TK2: variants seen among roughly 807,000 people sequenced by gnomAD.
The protein encoded by TK2 is thymidine kinase 2, mitochondrial.
TK2 carries 35 observed loss-of-function variants against 41.9 expected under a neutral mutation model. The ratio of observed to expected loss-of-function variants is 0.84; its 90% CI spans 0.64 to 1.11. TK2 has a LOEUF of 1.11. Among genes scored for constraint, TK2 ranks in the 50% least tolerant of loss-of-function variants. The pLI, the probability that TK2 is intolerant of heterozygous loss-of-function variation, is 0.00. For synonymous variants in TK2, 128 were observed against 129.1 expected (o/e 0.99, Z 0.06); for missense variants, 320 against 351.1 (o/e 0.91, Z 0.71).
At position 66,517,346 on chromosome 16, in the gene TK2, G is replaced by T; in HGVS notation, c.539-131C>A. The stretch of plus-strand genomic sequence containing the variant: ...AGCAGGGAGGGCCAGCTCTTGGCTT[G>T]ACCACTGACCCTCCGCCTCGACTTT... On this transcript the variant is annotated intron_variant, in intron 7 of 9. Coordinates refer to ENST00000544898, the MANE Select transcript of TK2 (RefSeq NM_004614.5). The surrounding 1 kb of genome is among the most constrained non-coding windows in gnomAD (Gnocchi z 4.3). 1 of 812,914 alleles carries T rather than the reference G, an allele frequency of 1.2e-6. No individual in the cohort carries two copies. The highest frequency in any genetic ancestry group is 2.4e-5 in the East Asian group (1 of 41,232). The allele number at this position is 812,914 out of a possible 1,614,324, so 50.4% of individuals were successfully genotyped here.
chr16:66,548,755 A>T lies in TK2; in HGVS notation c.156+223T>A, dbSNP rs1331825529. On this transcript the variant is annotated intron_variant, in intron 2 of 9. Coordinates refer to ENST00000544898, the MANE Select transcript of TK2 (RefSeq NM_004614.5). ...AGCCCAAATCTACCTGAAGGATACAAATACTTGTGTGCTCCTATCTGTGCA... is the reference window on the plus strand; with the variant it reads ...AGCCCAAATCTACCTGAAGGATACATATACTTGTGTGCTCCTATCTGTGCA... 7 of 557,112 alleles carry T rather than the reference A, an allele frequency of 1.3e-5. No individual in the cohort carries two copies. In the East Asian group the frequency reaches 2.1e-4, roughly 16 times the overall value. 34.5% of individuals were successfully genotyped at this position (557,112 alleles called of 1,614,324 possible).
chr16:66,541,378 C>T (rs903854643), intron 3 of TK2, among the ~76,000 whole-genome samples: 3 of 152,116 alleles, frequency 2.0e-5, no homozygotes, highest in East Asian at 1.9e-4. Flanking sequence ...GACATGATCA[C>T]ATTTGGCATA....
chr16:66,544,076 A>G (rs567612276), intron 2 of TK2, among the ~76,000 whole-genome samples: 33 of 152,268 alleles, frequency 2.2e-4, no homozygotes, highest in African/African-American at 7.7e-4. Context: ...TCATTGAAGC[A>G]TTTTAACAGG....
chr16:66,512,810 A>G (rs1964490074), intron 9 of TK2, among the ~76,000 whole-genome samples: 1 of 152,168 alleles, frequency 6.6e-6, no homozygotes, highest in African/African-American at 2.4e-5. Flanking sequence ...AAATTACTAC[A>G]GTAATATCTC....
chr16:66,529,931 G>T (rs1005779292), intron 5 of TK2, among the ~76,000 whole-genome samples: 1 of 151,726 alleles, frequency 6.6e-6, no homozygotes, highest in Non-Finnish European at 1.5e-5. Flanking sequence ...ATCTTTCCTG[G>T]TCTGTCCATC....
chr16:66,527,716 T>C (rs1964977212), intron 6 of TK2, among the ~76,000 whole-genome samples: 1 of 152,124 alleles, frequency 6.6e-6, no homozygotes. Context: ...CAAAGAAAAC[T>C]AACAGAAAGT....
At chr16:66,536,462 T>C (rs1358272205) in intron 4 of TK2, among the ~76,000 whole-genome samples, 1 of 152,058 alleles carries the variant, frequency 6.6e-6, no homozygotes, top group Non-Finnish European at 1.5e-5. Flanking sequence ...CACAGCACAC[T>C]ACAGCCCCTG....
intron 2 of TK2, chr16:66,547,946 T>C: frequency 7.8e-7 from 1 of 1,288,034 alleles, no homozygotes; most frequent in Non-Finnish European, 1.0e-6. Context: ...CAATAACTAA[T>C]AAATAGCCAG....
intron 5 of TK2, 113 bp from the exon 6 acceptor site, chr16:66,529,180 C>T: frequency 9.9e-7 from 1 of 1,012,614 alleles, no homozygotes; most frequent in Admixed American, 1.8e-5. Flanking sequence ...ATATGAGAAT[C>T]AAGGCGGCAG....
At chr16:66,537,651 C>G (rs1246786205) in intron 3 of TK2, among the ~76,000 whole-genome samples, 1 of 152,250 alleles carries the variant, frequency 6.6e-6, no homozygotes, top group East Asian at 1.9e-4. Context: ...ATTTCTAGAG[C>G]CTCCATCTGT....
chr16:66,540,211 C>T (rs1181410243), intron 3 of TK2, among the ~76,000 whole-genome samples: 4 of 136,718 alleles, frequency 2.9e-5, no homozygotes, highest in African/African-American at 1.1e-4. Context: ...CTCACTCTGT[C>T]ACCCAGGTTG....
At chr16:66,549,084 A>G in intron 1 of TK2, 75 bp from the exon 2 acceptor site, 2 of 1,603,824 alleles carry the variant, frequency 1.2e-6, no homozygotes, top group Non-Finnish European at 1.7e-6. Flanking sequence ...CTACATGACC[A>G]CAAAAACACT....
Position 66,529,081 on chromosome 16 carries a change from A to G in TK2, c.376-14T>C. 13 of 1,613,454 alleles carry G rather than the reference A, an allele frequency of 8.1e-6. No individual in the cohort carries two copies. The highest frequency in any genetic ancestry group is 1.1e-5 in the Non-Finnish European group (13 of 1,179,646). On this transcript the variant is annotated splice_polypyrimidine_tract_variant and intron_variant, in intron 5 of 9. Transcript: ENST00000544898. ...TACAGATGACACCTAAAGGAAAACAAAAAGAGAATCACTAACTCAGGGGAA... is the reference window on the plus strand; with the variant it reads ...TACAGATGACACCTAAAGGAAAACAGAAAGAGAATCACTAACTCAGGGGAA...
intron 4 of TK2, among the ~76,000 whole-genome samples, chr16:66,532,842 C>G (rs1965157939): frequency 6.6e-6 from 1 of 151,302 alleles, no homozygotes; most frequent in South Asian, 2.1e-4. Context: ...TATCAAAATA[C>G]CTATGACAGT....
Position 66,532,129 on chromosome 16 carries a change from CAAAAA to C in TK2, c.286-665_286-661del, listed in dbSNP as rs11334281. Among the ~76,000 whole-genome samples, 244 of 75,628 alleles carry C rather than the reference CAAAAA, an allele frequency of 3.2e-3. 1 individual carries two copies. Among genetic ancestry groups the C allele is most frequent in the African/African-American group, 9.0e-3 (232 of 25,670 alleles). 49.6% of individuals were successfully genotyped at this position (75,628 alleles called of 152,430 possible). ...AAAGTAAAATAAAAGTTGAAATGAC[CAAAAA>C]AAAAAAAAAAAAACCTTAAAGACTC... On this transcript the variant is annotated intron_variant, in intron 4 of 9. Coordinates refer to ENST00000544898, the MANE Select transcript of TK2 (RefSeq NM_004614.5).
At chr16:66,533,090 A>ATTT (rs1965167035) in intron 4 of TK2, among the ~76,000 whole-genome samples, 1 of 149,004 alleles carries the variant, frequency 6.7e-6, no homozygotes, top group Admixed American at 6.7e-5. Flanking sequence ...TTTTTTTTTA[A>ATTT]ACAGAGTCTT....
chr16:66,513,505 G>T (rs965431723), intron 9 of TK2, among the ~76,000 whole-genome samples: 2 of 152,182 alleles, frequency 1.3e-5, no homozygotes, highest in Non-Finnish European at 2.9e-5. Flanking sequence ...TGCCAGGTGT[G>T]ATGGCACTGG....
intron 9 of TK2, among the ~76,000 whole-genome samples, chr16:66,512,699 T>C (rs1420414266): frequency 6.6e-6 from 1 of 152,114 alleles, no homozygotes; most frequent in Admixed American, 6.6e-5. Context: ...AAGAGAATCA[T>C]TTGAACCCAG....
chr16:66,548,821 CCTT>C lies in TK2; in HGVS notation c.156+154_156+156del. The C allele has an allele frequency of 5.7e-6, 4 of 705,560 alleles. No homozygotes were observed. In the South Asian group the frequency reaches 6.7e-5, roughly 12 times the overall value. The allele number at this position is 705,560 out of a possible 1,614,324, so 43.7% of individuals were successfully genotyped here. Reference sequence around the variant, plus strand: ...TACAAGAAATTGGTAACAGAGGTGGCCTTCTAGGAGGGTGACAGACTTCCTTCT... The same window carrying C: ...TACAAGAAATTGGTAACAGAGGTGGCCTAGGAGGGTGACAGACTTCCTTCT... On this transcript the variant is annotated intron_variant, in intron 2 of 9. Coordinates refer to ENST00000544898, the MANE Select transcript of TK2 (RefSeq NM_004614.5).
Sources: gnomAD v4.1 joint callset for allele counts (sites outside exome capture counted in the v4.1 genomes callset) on GRCh38, gnomAD v4.1.1 for gene constraint, Gnocchi (gnomAD v3.1) non-coding constraint, MANE v1.5 for transcripts, NCBI Gene and HGNC (gene_info 2026-07-23, HGNC 2026-07-21) for gene names.